The following WARS2 variants were observed in gnomAD, a reference collection of about 807,000 sequenced individuals.
WARS2 encodes tryptophanyl tRNA synthetase 2, mitochondrial.
Under a neutral mutation model 36.5 loss-of-function variants are expected in WARS2, and 28 were observed. The observed-to-expected ratio is 0.77, with a 90% CI of 0.57 to 1.05. WARS2 has a LOEUF of 1.05. WARS2 is among the 50% of genes least tolerant of loss of function. WARS2 has a pLI of 0.00. For synonymous variants in WARS2, 174 were observed against 178.4 expected (o/e 0.98, Z 0.20); for missense variants, 435 against 456.8 (o/e 0.95, Z 0.44).
chr1:119,106,176 G>T (rs587663936), intron 1 of WARS2, among the ~76,000 whole-genome samples: 1 of 152,222 alleles, frequency 6.6e-6, no homozygotes, highest in South Asian at 2.1e-4. Flanking sequence ...TTTTAGAGAC[G>T]TTTTAGGTTC....
intron 1 of WARS2, among the ~76,000 whole-genome samples, chr1:119,087,417 G>A (rs587771172): frequency 8.5e-5 from 13 of 152,264 alleles, no homozygotes; most frequent in African/African-American, 2.6e-4. Context: ...AACAAGTTAC[G>A]TTCTAAGAGT....
chr1:119,033,039 G>A lies in WARS2; in HGVS notation c.955C>T (p.Arg319Cys), dbSNP rs748482403. The A allele has an allele frequency of 4.3e-6, 7 of 1,614,052 alleles. No individual in the cohort carries two copies. The highest frequency in any genetic ancestry group is 1.6e-4 in the Middle Eastern group (1 of 6,084). Residue 319 changes from arginine to cysteine, a missense_variant, in exon 6 of 6, where the codon CGT becomes TGT. Physicochemically the swap from Arg to Cys is radical, Grantham distance 180. Transcript: ENST00000235521. ...TCCAGCTTCAGTTTTTCAATTTCAC[G>A]CTTAATTGGGGCAAACTTCTCAATC... ...AVIEKFAPIK[R>C]EIEKLKLDKD...
At chr1:119,120,762 T>C (rs1390260041) in intron 1 of WARS2, among the ~76,000 whole-genome samples, 1 of 152,052 alleles carries the variant, frequency 6.6e-6, no homozygotes, top group Non-Finnish European at 1.5e-5. Flanking sequence ...AACGTAATGA[T>C]ATACCACACA....
In WARS2 at chr1:119,042,440, C is replaced by A. The variant is rs1409557342; in HGVS notation, c.430-91G>T. The A allele has an allele frequency of 1.6e-5, 20 of 1,243,106 alleles. No individual in the cohort carries two copies. The East Asian group carries it at 3.6e-4, about 22-fold the overall frequency. The allele number at this position is 1,243,106 out of a possible 1,614,324, so 77.0% of individuals were successfully genotyped here. A position where few individuals can be genotyped will look rare whatever the true frequency, so the allele number is the denominator to read the frequency against. On this transcript the variant is annotated intron_variant, in intron 3 of 5. Coordinates refer to ENST00000235521, the MANE Select transcript of WARS2 (RefSeq NM_015836.4). ...TAGATTAAGAAAATTTTAAAACAAG[C>A]AAATTGTGATCTGAAGCCACCTGTA...
chr1:119,052,568 T>C (rs1307828488), intron 2 of WARS2, among the ~76,000 whole-genome samples: 1 of 152,260 alleles, frequency 6.6e-6, no homozygotes, highest in African/African-American at 2.4e-5. Flanking sequence ...TGGAGTTCTC[T>C]ATACTTTTTC....
At chr1:119,101,220 TG>T (rs1243317571) in intron 1 of WARS2, among the ~76,000 whole-genome samples, 1 of 152,170 alleles carries the variant, frequency 6.6e-6, no homozygotes. Flanking sequence ...TACCCTTACT[TG>T]ATCACTATGT....
At chr1:119,136,321 C>T (rs1040850803) in intron 1 of WARS2, among the ~76,000 whole-genome samples, 3 of 152,168 alleles carry the variant, frequency 2.0e-5, no homozygotes, top group Non-Finnish European at 4.4e-5. Context: ...GTTCTTCCTT[C>T]CTCTATATTT....
At chr1:119,116,291 G>C (rs1001571223) in intron 1 of WARS2, among the ~76,000 whole-genome samples, 1 of 152,066 alleles carries the variant, frequency 6.6e-6, no homozygotes, top group Admixed American at 6.6e-5. Context: ...AAATAAATAC[G>C]TTTACCTTCC....
At chr1:119,048,173 A>AG (rs1649015656) in intron 2 of WARS2, among the ~76,000 whole-genome samples, 1 of 152,234 alleles carries the variant, frequency 6.6e-6, no homozygotes, top group African/African-American at 2.4e-5. Context: ...ACTAGAAGGC[A>AG]GGATATAAAG....
At chr1:119,108,315 G>C (rs780607497) in intron 1 of WARS2, among the ~76,000 whole-genome samples, 1 of 151,872 alleles carries the variant, frequency 6.6e-6, no homozygotes, top group African/African-American at 2.4e-5. Flanking sequence ...ATCAAGGCCT[G>C]GTACTTTATA....
intron 5 of WARS2, among the ~76,000 whole-genome samples, chr1:119,033,675 G>GCTAA (rs986003972): frequency 7.9e-5 from 12 of 152,266 alleles, no homozygotes; most frequent in Admixed American, 7.2e-4. Context: ...GCTGAAGGTG[G>GCTAA]GCTAGGCTAA....
Position 119,032,886 on chromosome 1 carries a change from C to A in WARS2, c.*25G>T. ...ATGCATGGAGTGCAAGGCACAAAAG[C>A]CTTGCTGTGATTCGTTGAAACTTCC... On this transcript the variant is annotated 3_prime_UTR_variant, in exon 6 of 6. Transcript: ENST00000235521. 6.3e-7 allele frequency: 1 copy of A among 1,593,836 alleles called. No homozygotes were observed. Among genetic ancestry groups the A allele is most frequent in the South Asian group, 1.1e-5 (1 of 88,066 alleles).
At chr1:119,104,847 G>A (rs958033193) in intron 1 of WARS2, among the ~76,000 whole-genome samples, 3 of 151,824 alleles carry the variant, frequency 2.0e-5, no homozygotes, top group African/African-American at 4.8e-5. Context: ...AGGACGAAGA[G>A]CAGCAGGAAA....
intron 1 of WARS2, among the ~76,000 whole-genome samples, chr1:119,091,061 TTAAG>T (rs1266655115): frequency 3.3e-5 from 5 of 152,212 alleles, no homozygotes; most frequent in Admixed American, 6.5e-5. Context: ...AGTTCAGATA[TTAAG>T]TAATTTGTAA....
chr1:119,103,458 CTAGTAGT>C (rs1475674149), intron 1 of WARS2, among the ~76,000 whole-genome samples: 4 of 152,174 alleles, frequency 2.6e-5, no homozygotes, highest in African/African-American at 9.6e-5. Context: ...AGGCCCATAC[CTAGTAGT>C]TAATAATATA....
intron 2 of WARS2, among the ~76,000 whole-genome samples, chr1:119,061,990 C>A (rs969983470): frequency 6.6e-6 from 1 of 152,130 alleles, no homozygotes; most frequent in East Asian, 1.9e-4. Context: ...TATAGTGACC[C>A]TTGTAACTGG....
intron 4 of WARS2, among the ~76,000 whole-genome samples, chr1:119,041,636 C>T (rs548755561): frequency 3.2e-4 from 49 of 152,316 alleles, no homozygotes; most frequent in Admixed American, 7.8e-4. Flanking sequence ...TCAATAGCCA[C>T]ACATGTGGCT....
chr1:119,075,312 G>GT (rs1444066119), intron 2 of WARS2, among the ~76,000 whole-genome samples: 1 of 152,126 alleles, frequency 6.6e-6, no homozygotes, highest in Non-Finnish European at 1.5e-5. Flanking sequence ...TGTAGAGATG[G>GT]TTTAAAGTAT....
chr1:119,114,019 A>G (rs1287573461), intron 1 of WARS2, among the ~76,000 whole-genome samples: 5 of 152,198 alleles, frequency 3.3e-5, no homozygotes, highest in African/African-American at 1.2e-4. Flanking sequence ...CTCCTACACT[A>G]TGCTCTTTTC....
Sources: gnomAD v4.1 joint callset for allele counts (sites outside exome capture counted in the v4.1 genomes callset) on GRCh38, gnomAD v4.1.1 for gene constraint, MANE v1.5 for transcripts, NCBI Gene and HGNC (gene_info 2026-07-23, HGNC 2026-07-21) for gene names.